Variants in TYW1 observed in about 807,000 individuals in gnomAD.
TYW1 encodes S-adenosyl-L-methionine-dependent tRNA 4-demethylwyosine synthase TYW1.
In TYW1, 46 loss-of-function variants were observed where a neutral mutation model predicts 96.2. The observed-to-expected ratio is 0.48, with a 90% CI of 0.38 to 0.61. The LOEUF is 0.61. TYW1 is among the 20% of genes least tolerant of loss of function. The pLI, the probability that TYW1 is intolerant of heterozygous loss-of-function variation, is 0.00. For synonymous variants in TYW1, 274 were observed against 323.0 expected (o/e 0.85, Z 1.63); for missense variants, 684 against 909.6 (o/e 0.75, Z 3.19).
chr7:67,213,398 T>C (rs1339107737), intron 15 of TYW1, among the ~76,000 whole-genome samples: 4 of 152,224 alleles, frequency 2.6e-5, no homozygotes, highest in Non-Finnish European at 4.4e-5. Context: ...TTCTTATGGC[T>C]GAGTTTAAGA....
intron 12 of TYW1, among the ~76,000 whole-genome samples, chr7:67,108,176 C>G (rs570874424): frequency 6.6e-6 from 1 of 152,202 alleles, no homozygotes. Context: ...TGCGCCCAGA[C>G]AAGATGGACA....
intron 15 of TYW1, among the ~76,000 whole-genome samples, chr7:67,198,974 T>G (rs573645850): frequency 1.3e-5 from 2 of 152,166 alleles, no homozygotes; most frequent in Non-Finnish European, 2.9e-5. Context: ...GGCAGGTGGA[T>G]CCCTTGACCC....
intron 13 of TYW1, among the ~76,000 whole-genome samples, chr7:67,123,903 T>G (rs1261945589): frequency 1.3e-5 from 2 of 152,178 alleles, no homozygotes; most frequent in Non-Finnish European, 2.9e-5. Context: ...TGCAGTGTTT[T>G]GTGTGGAAGC....
At chr7:67,118,100 G>A (rs1797652299) in intron 13 of TYW1, among the ~76,000 whole-genome samples, 1 of 152,128 alleles carries the variant, frequency 6.6e-6, no homozygotes, top group Non-Finnish European at 1.5e-5. Context: ...CGAGGCAGGT[G>A]GATCACTTGA....
At chr7:67,227,112 G>A (rs1028438096) in intron 15 of TYW1, among the ~76,000 whole-genome samples, 1 of 152,066 alleles carries the variant, frequency 6.6e-6, no homozygotes, top group Admixed American at 6.5e-5. Context: ...AATGCTGATT[G>A]TGCAGATAGA....
chr7:67,164,856 C>T (rs1035048646), intron 13 of TYW1, among the ~76,000 whole-genome samples: 7 of 151,910 alleles, frequency 4.6e-5, no homozygotes, highest in African/African-American at 1.5e-4. Flanking sequence ...TGGGATTGAA[C>T]ATCTTGTCAT....
Position 67,173,061 on chromosome 7 carries a change from A to G in TYW1, c.1699-10065A>G, listed in dbSNP as rs188735258. 2.6e-5 allele frequency among the ~76,000 whole-genome samples: 4 copies of G among 152,360 alleles called. No individual in the cohort carries two copies. In the East Asian group the frequency reaches 7.7e-4, roughly 29 times the overall value. On this transcript the variant is annotated intron_variant, in intron 13 of 15. Transcript: ENST00000359626. The stretch of plus-strand genomic sequence containing the variant: ...AAAAACAAAAACAAAAAAATTAAAA[A>G]CAAAATATAAACACAATACCATTAT...
At chr7:67,169,442 C>G (rs1486410661) in intron 13 of TYW1, among the ~76,000 whole-genome samples, 3 of 152,024 alleles carry the variant, frequency 2.0e-5, no homozygotes, top group African/African-American at 7.2e-5. Flanking sequence ...GCTCTGTTCC[C>G]CAGGCTGGAG....
intron 13 of TYW1, among the ~76,000 whole-genome samples, chr7:67,159,785 T>A (rs1289419865): frequency 7.6e-6 from 1 of 130,862 alleles, no homozygotes; most frequent in Non-Finnish European, 1.6e-5. Context: ...TATCACAAAA[T>A]TTTATTTTAT....
chr7:67,192,766 A>G (rs1584678336), intron 14 of TYW1, among the ~76,000 whole-genome samples: 1 of 152,300 alleles, frequency 6.6e-6, no homozygotes, highest in Non-Finnish European at 1.5e-5. Context: ...TGAGGGGGGA[A>G]AAGAAAGCTT....
intron 13 of TYW1, among the ~76,000 whole-genome samples, chr7:67,173,107 A>C (rs987434627): frequency 2.6e-5 from 4 of 152,202 alleles, no homozygotes; most frequent in African/African-American, 9.7e-5. Flanking sequence ...ACAATTAACA[A>C]TGCATTTTAA....
intron 8 of TYW1, among the ~76,000 whole-genome samples, chr7:67,050,496 G>T (rs1795319634): frequency 6.6e-6 from 1 of 152,024 alleles, no homozygotes; most frequent in Admixed American, 6.6e-5. Flanking sequence ...TAGTAAAATG[G>T]GAATCAGTAG....
intron 11 of TYW1, among the ~76,000 whole-genome samples, chr7:67,095,020 A>G (rs931546469): frequency 1.3e-5 from 2 of 150,810 alleles, no homozygotes; most frequent in African/African-American, 4.9e-5. Flanking sequence ...TTTTTTCCAG[A>G]CAGGGTCTTG....
At chr7:67,128,583 C>T (rs1322503710) in intron 13 of TYW1, among the ~76,000 whole-genome samples, 2 of 151,902 alleles carry the variant, frequency 1.3e-5, no homozygotes, top group South Asian at 2.1e-4. Context: ...TGTCACTGAA[C>T]GTGATATCCT....
chr7:67,095,134 G>GC (rs1796854936), intron 11 of TYW1, among the ~76,000 whole-genome samples: 1 of 151,948 alleles, frequency 6.6e-6, no homozygotes, highest in African/African-American at 2.4e-5. Flanking sequence ...GAGTAGCTGG[G>GC]CCTACAAGCA....
At chr7:67,042,230 A>G (rs1388958552) in intron 7 of TYW1, among the ~76,000 whole-genome samples, 2 of 149,940 alleles carry the variant, frequency 1.3e-5, no homozygotes, top group African/African-American at 2.4e-5. Flanking sequence ...TATATTAACT[A>G]TAATAGTTAA....
At chr7:67,102,842 G>A (rs934008597) in intron 12 of TYW1, among the ~76,000 whole-genome samples, 4 of 150,862 alleles carry the variant, frequency 2.7e-5, no homozygotes, top group Non-Finnish European at 5.9e-5. Flanking sequence ...TAGTAGAGAC[G>A]GGTTTCACCG....
chr7:67,059,975 G>C (rs1795644989), intron 9 of TYW1, among the ~76,000 whole-genome samples: 1 of 151,916 alleles, frequency 6.6e-6, no homozygotes, highest in African/African-American at 2.4e-5. Flanking sequence ...GTTTCACCAT[G>C]TTGGCCAGGC....
intron 15 of TYW1, among the ~76,000 whole-genome samples, chr7:67,198,475 C>G (rs1322607628): frequency 6.6e-6 from 1 of 151,386 alleles, no homozygotes; most frequent in Non-Finnish European, 1.5e-5. Flanking sequence ...CTCTTGAACC[C>G]GGGAGGTGGA....
Sources: gnomAD v4.1 joint callset for allele counts (sites outside exome capture counted in the v4.1 genomes callset) on GRCh38, gnomAD v4.1.1 for gene constraint, MANE v1.5 for transcripts, NCBI Gene and HGNC (gene_info 2026-07-23, HGNC 2026-07-21) for gene names.